Variants in LPIN2 observed in about 807,000 individuals in gnomAD.
LPIN2 encodes phosphatidate phosphatase LPIN2.
A neutral mutation model predicts 111.4 loss-of-function variants in LPIN2; 55 were observed. That is an observed-to-expected ratio of 0.49 (90% CI 0.40 to 0.62). LPIN2 has a LOEUF of 0.62. Among genes scored for constraint, LPIN2 ranks in the 20% least tolerant of loss-of-function variants. The pLI is 0.00. For missense variants in LPIN2, 992 were observed against 1,112.1 expected (o/e 0.89, Z 1.54); for synonymous variants, 425 against 414.0 (o/e 1.03, Z -0.32).
chr18:2,940,592 C>A lies in LPIN2; in HGVS notation c.698+13G>T, dbSNP rs937363278. Reference sequence around the variant, plus strand: ...CCTCTTTCAAGAAACCAAGAAATTTCAAAGATACTTACGTCTCTAAAGGGG... The same window carrying A: ...CCTCTTTCAAGAAACCAAGAAATTTAAAAGATACTTACGTCTCTAAAGGGG... On this transcript the variant is annotated intron_variant, in intron 5 of 19. Transcript: ENST00000677752. 5 of 1,534,912 alleles carry A rather than the reference C, an allele frequency of 3.3e-6. No individual in the cohort carries two copies. The highest frequency in any genetic ancestry group is 4.5e-6 in the Non-Finnish European group (5 of 1,109,698).
Position 2,920,035 on chromosome 18 carries a change from TG to T in LPIN2, c.*257del. ...AGGCCCCAGCTCACAGCAGGAAACATGTGTGCGACCCACAAAGGAGGGATCC... is the reference window on the plus strand; with the variant it reads ...AGGCCCCAGCTCACAGCAGGAAACATTGTGCGACCCACAAAGGAGGGATCC... On this transcript the variant is annotated 3_prime_UTR_variant, in exon 20 of 20. Transcript: ENST00000677752. The T allele has an allele frequency of 1.8e-6, 1 of 568,150 alleles. No individual in the cohort carries two copies. The highest frequency in any genetic ancestry group is 2.0e-5 in the South Asian group (1 of 49,796). 35.2% of individuals were successfully genotyped at this position (568,150 alleles called of 1,614,324 possible).
intron 1 of LPIN2, among the ~76,000 whole-genome samples, chr18:2,971,978 T>C (rs1454085744): frequency 6.6e-6 from 1 of 151,366 alleles, no homozygotes; most frequent in Non-Finnish European, 1.5e-5. Context: ...ACCCAGGAGG[T>C]GGAGGTTGCA....
intron 17 of LPIN2, 33 bp downstream of exon 17, chr18:2,922,014 C>A: frequency 1.2e-6 from 2 of 1,601,116 alleles, no homozygotes; most frequent in Non-Finnish European, 1.7e-6. Context: ...CATGCTGGGG[C>A]GGTGGGCAGA....
chr18:2,924,812 G>A (rs2077106126), intron 14 of LPIN2, among the ~76,000 whole-genome samples: 1 of 152,204 alleles, frequency 6.6e-6, no homozygotes, highest in African/African-American at 2.4e-5. Context: ...GAGAATTACT[G>A]CTTTAGCCAC....
chr18:3,007,034 T>C (rs1331893291), intron 1 of LPIN2, among the ~76,000 whole-genome samples: 1 of 151,692 alleles, frequency 6.6e-6, no homozygotes, highest in African/African-American at 2.4e-5. Context: ...GTTTAACATT[T>C]TAAATAACAA....
At chr18:2,971,333 A>G (rs888354694) in intron 1 of LPIN2, among the ~76,000 whole-genome samples, 1 of 152,218 alleles carries the variant, frequency 6.6e-6, no homozygotes, top group African/African-American at 2.4e-5. Context: ...GCAAAGATCA[A>G]AAAGATGATA....
chr18:2,923,351 C>T (rs919605337), intron 16 of LPIN2, among the ~76,000 whole-genome samples: 4 of 122,318 alleles, frequency 3.3e-5, no homozygotes, highest in East Asian at 5.6e-4. Context: ...ACCCGGGAGG[C>T]GGAGACTGCA....
chr18:2,937,494 G>A (rs998236173), intron 7 of LPIN2, among the ~76,000 whole-genome samples, 198 bp downstream of exon 7: 3 of 136,320 alleles, frequency 2.2e-5, no homozygotes, highest in African/African-American at 8.4e-5. Context: ...GCAGTTAGCC[G>A]AGATCACACA....
intron 9 of LPIN2, among the ~76,000 whole-genome samples, chr18:2,929,565 T>C (rs777101329): frequency 4.6e-5 from 7 of 152,176 alleles, no homozygotes; most frequent in Non-Finnish European, 1.0e-4. Context: ...GGAATATTCA[T>C]AGGGGTCTTA....
chr18:2,961,515 A>C (rs2077713221), intron 1 of LPIN2, among the ~76,000 whole-genome samples: 3 of 152,206 alleles, frequency 2.0e-5, no homozygotes, highest in Non-Finnish European at 4.4e-5. Flanking sequence ...TTCAAAGCAC[A>C]GAAAAGGGTT....
chr18:2,965,635 C>A (rs1428198874), intron 1 of LPIN2, among the ~76,000 whole-genome samples: 1 of 147,426 alleles, frequency 6.8e-6, no homozygotes, highest in Non-Finnish European at 1.5e-5. Flanking sequence ...GAGGCTGAGG[C>A]AGGAGAATCG....
At chr18:2,955,869 C>G (rs1279366134) in intron 2 of LPIN2, among the ~76,000 whole-genome samples, 1 of 152,066 alleles carries the variant, frequency 6.6e-6, no homozygotes, top group Non-Finnish European at 1.5e-5. Context: ...GAGCCGAGAT[C>G]ACGCCATTGC....
intron 1 of LPIN2, among the ~76,000 whole-genome samples, chr18:3,001,140 G>A (rs1483582417): frequency 6.6e-6 from 1 of 152,122 alleles, no homozygotes; most frequent in South Asian, 2.1e-4. Flanking sequence ...TTTCAGACAC[G>A]TAAGCTCTCA....
rs2077101515 is a variant in LPIN2 at position 2,924,441 on chromosome 18, T to G, written c.2044A>C (p.Asn682His). 6.2e-7 allele frequency: 1 copy of G among 1,614,070 alleles called. No homozygotes were observed. Among genetic ancestry groups the G allele is most frequent in the African/African-American group, 1.3e-5 (1 of 74,910 alleles). ...CAGTIYLWNW[N>H]DKIIISDIDG... is the part of the protein sequence containing the mutation. ...ATATCAGAAATGATGATCTTGTCATTCCAGTTCCACAGGTAAATGGTCCCT... is the reference window on the plus strand; with the variant it reads ...ATATCAGAAATGATGATCTTGTCATGCCAGTTCCACAGGTAAATGGTCCCT... Residue 682 changes from asparagine (N) to histidine (H), a missense_variant, in exon 15 of 20, where the codon AAT (asparagine) becomes CAT (histidine). Physicochemically the swap from Asn to His is moderately conservative, Grantham distance 68. Around this residue, in one of 4 missense-constraint regions of LPIN2, gnomAD observed 709 missense variants for 753.2 expected, o/e 0.94. Transcript: ENST00000677752.
At position 2,920,524 on chromosome 18, in the gene LPIN2, A is replaced by C. The variant is rs1598517179; in HGVS notation, c.2547-87T>G. ...ATGGGGGGCTGTGAAGCTGTCACTCAGATTGCTCAGGTGGGCAGGTTCAGA... is the reference window on the plus strand; with the variant it reads ...ATGGGGGGCTGTGAAGCTGTCACTCCGATTGCTCAGGTGGGCAGGTTCAGA... On this transcript the variant is annotated intron_variant, in intron 19 of 19. Transcript: ENST00000677752. 4.1e-6 allele frequency: 6 copies of C among 1,465,856 alleles called. 1 individual carries two copies. In the South Asian group the frequency reaches 6.9e-5, roughly 17 times the overall value. The allele number at this position is 1,465,856 out of a possible 1,614,324, so 90.8% of individuals were successfully genotyped here.
intron 9 of LPIN2, among the ~76,000 whole-genome samples, chr18:2,929,982 A>G (rs1268837928): frequency 1.3e-5 from 2 of 152,162 alleles, no homozygotes; most frequent in Non-Finnish European, 2.9e-5. Flanking sequence ...ACAAGGCAAA[A>G]CAAAAAAACC....
chr18:2,945,911 A>G, intron 4 of LPIN2: 2 of 1,421,732 alleles, frequency 1.4e-6, no homozygotes, highest in South Asian at 2.3e-5. Context: ...TCTTTTGTAC[A>G]GCCCTCTTGG....
intron 9 of LPIN2, among the ~76,000 whole-genome samples, chr18:2,930,934 G>C (rs1446899506): frequency 6.6e-6 from 1 of 152,186 alleles, no homozygotes; most frequent in Non-Finnish European, 1.5e-5. Flanking sequence ...AAATGTTTCT[G>C]TAACTTTACA....
chr18:2,978,434 C>A (rs1216275963), intron 1 of LPIN2, among the ~76,000 whole-genome samples: 1 of 152,104 alleles, frequency 6.6e-6, no homozygotes, highest in Non-Finnish European at 1.5e-5. Context: ...ACCAAAAACA[C>A]ACAACCTCAA....
Sources: gnomAD v4.1 joint callset for allele counts (sites outside exome capture counted in the v4.1 genomes callset) on GRCh38, gnomAD v4.1.1 for gene constraint, gnomAD v4.1.1 regional missense constraint, MANE v1.5 for transcripts, NCBI Gene and HGNC (gene_info 2026-07-23, HGNC 2026-07-21) for gene names.